TTLL6: variants seen among roughly 807,000 people sequenced by gnomAD.
TTLL6 encodes the protein tubulin polyglutamylase TTLL6.
A neutral mutation model predicts 96.4 loss-of-function variants in TTLL6; 75 were observed. The observed-to-expected ratio is 0.78, with a 90% CI of 0.65 to 0.94. The LOEUF (loss-of-function observed/expected upper bound fraction) is 0.94. Among genes scored for constraint, TTLL6 ranks in the 40% least tolerant of loss-of-function variants. The pLI is 0.00. For synonymous variants in TTLL6, 411 were observed against 419.4 expected (o/e 0.98, Z 0.24); for missense variants, 1,030 against 1,093.0 (o/e 0.94, Z 0.81).
At chr17:48,779,059 C>T (rs1468646264) in intron 13 of TTLL6, among the ~76,000 whole-genome samples, 1 of 151,812 alleles carries the variant, frequency 6.6e-6, no homozygotes, top group East Asian at 1.9e-4. Context: ...TATGATGGTG[C>T]CACTGCATTC....
rs2039465402 is a variant in TTLL6 at position 48,803,887 on chromosome 17, T to C, written c.361+4A>G. Reference sequence around the variant, plus strand: ...TTATAGATCTCCTGAATGTAGATGCTCACCACTCTCATACCGGCAGCTGGA... The same window carrying C: ...TTATAGATCTCCTGAATGTAGATGCCCACCACTCTCATACCGGCAGCTGGA... On this transcript the variant is annotated splice_donor_region_variant and intron_variant, in intron 3 of 15. Coordinates refer to ENST00000393382, the MANE Select transcript of TTLL6 (RefSeq NM_001130918.3). 6 of 1,552,042 alleles carry C rather than the reference T, an allele frequency of 3.9e-6. No homozygotes were observed. Among genetic ancestry groups the C allele is most frequent in the Non-Finnish European group, 5.2e-6 (6 of 1,147,062 alleles).
intron 13 of TTLL6, among the ~76,000 whole-genome samples, chr17:48,777,663 A>G (rs7209065): frequency 0.3 from 45,867 of 151,424 alleles, 7,136 homozygotes; most frequent in Admixed American, 0.41. Context: ...CCTGGGAGGC[A>G]GAAGTTGCAA....
At chr17:48,779,308 T>C (rs562492368) in intron 13 of TTLL6, among the ~76,000 whole-genome samples, 8 of 139,906 alleles carry the variant, frequency 5.7e-5, no homozygotes, top group Admixed American at 2.4e-4. Flanking sequence ...GAGCCAAGAC[T>C]GTGCTATTGC....
At chr17:48,797,291 T>G in intron 6 of TTLL6, 87 bp from the exon 7 acceptor site, 3 of 1,409,890 alleles carry the variant, frequency 2.1e-6, no homozygotes, top group Non-Finnish European at 2.9e-6. Flanking sequence ...TTCCATGGAG[T>G]TGGCTCCAAC....
At chr17:48,763,242 T>C (rs1426557108) in intron 15 of TTLL6, among the ~76,000 whole-genome samples, 3 of 152,182 alleles carry the variant, frequency 2.0e-5, no homozygotes, top group Admixed American at 2.0e-4. Flanking sequence ...TGTATGCCCT[T>C]GGACAAGTTA....
intron 1 of TTLL6, among the ~76,000 whole-genome samples, chr17:48,816,014 T>C (rs1249360691): frequency 6.6e-6 from 1 of 152,236 alleles, no homozygotes; most frequent in Non-Finnish European, 1.5e-5. Flanking sequence ...AGCCTCTCTG[T>C]ACCTCAGCTT....
intron 2 of TTLL6, 134 bp from the exon 3 acceptor site, chr17:48,804,062 G>A (rs992950807): frequency 3.5e-5 from 35 of 1,010,686 alleles, no homozygotes; most frequent in East Asian, 1.8e-4. Context: ...TGGTTTGACC[G>A]TCCCTGTTGC....
intron 6 of TTLL6, among the ~76,000 whole-genome samples, 171 bp from the exon 7 acceptor site, chr17:48,797,375 C>T (rs2039336014): frequency 6.6e-6 from 1 of 152,166 alleles, no homozygotes; most frequent in African/African-American, 2.4e-5. Flanking sequence ...CTCTGTGTCC[C>T]AACATGTGAC....
At chr17:48,800,963 G>C (rs777626169) in intron 5 of TTLL6, among the ~76,000 whole-genome samples, 1 of 152,110 alleles carries the variant, frequency 6.6e-6, no homozygotes, top group South Asian at 2.1e-4. Context: ...GCACAGTTAC[G>C]TGGTTGGAAT....
At chr17:48,775,394 T>C (rs574455060) in intron 13 of TTLL6, among the ~76,000 whole-genome samples, 1 of 151,938 alleles carries the variant, frequency 6.6e-6, no homozygotes, top group African/African-American at 2.4e-5. Context: ...ATCCTGGGAA[T>C]GCAAGGTAGG....
At chr17:48,774,096 CAAA>C (rs1286139436) in intron 13 of TTLL6, among the ~76,000 whole-genome samples, 2 of 44,244 alleles carry the variant, frequency 4.5e-5, no homozygotes, top group Non-Finnish European at 9.4e-5. Flanking sequence ...AAAAACAAAA[CAAA>C]AAAAAAAAAA....
chr17:48,809,453 G>A (rs2039549262), intron 1 of TTLL6, among the ~76,000 whole-genome samples: 1 of 152,146 alleles, frequency 6.6e-6, no homozygotes, highest in African/African-American at 2.4e-5. Flanking sequence ...TGTTAACTTG[G>A]GGAGAGAAAA....
intron 13 of TTLL6, among the ~76,000 whole-genome samples, chr17:48,771,084 C>T (rs1006705659): frequency 2.6e-5 from 4 of 152,148 alleles, no homozygotes; most frequent in African/African-American, 9.7e-5. Flanking sequence ...GACTTACTGG[C>T]TAGAGGTAAA....
chr17:48,799,714 A>G lies in TTLL6; in HGVS notation c.658T>C (p.Tyr220His), dbSNP rs2039377752. ...CAGCCCGAATCCGGCTTACAAATGT[A>G]TGTCTTATTTTTTCTTGACCTGCTG... is the stretch of plus-strand genomic sequence containing the variant. ...TYSRSRKNKT[Y>H]ICKPDSGCQG... is the part of the protein sequence containing the mutation. Residue 220 changes from tyrosine to histidine, a missense_variant, in exon 6 of 16, where the codon TAC becomes CAC. Physicochemically the swap from Tyr to His is moderately conservative, Grantham distance 83. Transcript: ENST00000393382. The G allele has an allele frequency of 6.4e-7, 1 of 1,551,744 alleles. No individual in the cohort carries two copies. The highest frequency in any genetic ancestry group is 1.2e-5 in the South Asian group (1 of 84,060).
At chr17:48,810,703 C>T (rs1358008590) in intron 1 of TTLL6, among the ~76,000 whole-genome samples, 3 of 145,060 alleles carry the variant, frequency 2.1e-5, no homozygotes, top group Non-Finnish European at 4.6e-5. Flanking sequence ...AAAAAACAAT[C>T]AAACAAAAAA....
At chr17:48,768,707 AT>A (rs2038667129) in intron 15 of TTLL6, among the ~76,000 whole-genome samples, 1 of 151,814 alleles carries the variant, frequency 6.6e-6, no homozygotes, top group Admixed American at 6.6e-5. Flanking sequence ...CACCCAGCTA[AT>A]TTTTAAATTT....
rs1011527269 is a variant in TTLL6 at position 48,805,056 on chromosome 17, C to T, written c.104-65G>A. 4 of 1,298,620 alleles carry T rather than the reference C, an allele frequency of 3.1e-6. No homozygotes were observed. The Admixed American group carries it at 8.0e-5, about 26-fold the overall frequency. The allele number at this position is 1,298,620 out of a possible 1,614,324, so 80.4% of individuals were successfully genotyped here. A position where few individuals can be genotyped will look rare whatever the true frequency, so the allele number is the denominator to read the frequency against. On this transcript the variant is annotated intron_variant, in intron 1 of 15. Transcript: ENST00000393382. The stretch of plus-strand genomic sequence containing the variant: ...ACCTGCAGGGGGACCCCCTCCCTCG[C>T]TCATGTGGGTAGAGACCCAGGGTTC...
intron 10 of TTLL6, among the ~76,000 whole-genome samples, chr17:48,788,760 C>T (rs1350580830): frequency 6.6e-6 from 1 of 152,152 alleles, no homozygotes; most frequent in Non-Finnish European, 1.5e-5. Context: ...GCTTTCAGAA[C>T]AAGGCCACAC....
At chr17:48,770,247 G>T in intron 13 of TTLL6, 150 bp from the exon 14 acceptor site, 1 of 1,110,116 alleles carries the variant, frequency 9.0e-7, no homozygotes, top group Non-Finnish European at 1.2e-6. Context: ...TCCTGCCTCA[G>T]CCTCCTGAGT....
Sources: gnomAD v4.1 joint callset for allele counts (sites outside exome capture counted in the v4.1 genomes callset) on GRCh38, gnomAD v4.1.1 for gene constraint, MANE v1.5 for transcripts, NCBI Gene and HGNC (gene_info 2026-07-23, HGNC 2026-07-21) for gene names.